Variants in TMEM132D observed in about 807,000 individuals in gnomAD.
The protein encoded by TMEM132D is mature OL transmembrane protein.
A neutral mutation model predicts 62.3 loss-of-function variants in TMEM132D; 21 were observed. The observed-to-expected ratio is 0.34, with a 90% CI of 0.24 to 0.49. The LOEUF is 0.49. Among genes scored for constraint, TMEM132D ranks in the 20% least tolerant of loss-of-function variants. TMEM132D has a pLI of 0.99. For missense variants in TMEM132D, 1,346 were observed against 1,402.8 expected, an observed-to-expected ratio of 0.96 and a Z score of 0.65; for synonymous variants, 621 against 575.6, an observed-to-expected ratio of 1.08 and a Z score of -1.13.
chr12:129,667,673 C>T (rs1459421456), intron 2 of TMEM132D, among the ~76,000 whole-genome samples: 1 of 151,828 alleles, frequency 6.6e-6, no homozygotes, highest in Non-Finnish European at 1.5e-5. Flanking sequence ...TTTTTTCTAA[C>T]CTAAACTCCT....
chr12:129,521,282 T>G (rs905819388), intron 3 of TMEM132D: 5 of 152,212 alleles, frequency 3.3e-5, no homozygotes, highest in Admixed American at 6.5e-5. Flanking sequence ...GACAAAAGAT[T>G]AAGTGTCTAG....
chr12:129,101,132 G>A (rs2135635723), intron 5 of TMEM132D, among the ~76,000 whole-genome samples: 1 of 152,216 alleles, frequency 6.6e-6, no homozygotes, highest in South Asian at 2.1e-4. Context: ...AGGGGTCTAA[G>A]CTTTGCAGTG....
intron 5 of TMEM132D, among the ~76,000 whole-genome samples, chr12:129,095,767 G>A (rs1048189980): frequency 6.6e-6 from 1 of 152,088 alleles, no homozygotes. Context: ...CTGCCCCCAG[G>A]CCAGGGAGAA....
intron 1 of TMEM132D, among the ~76,000 whole-genome samples, chr12:129,752,600 G>C (rs12426098): frequency 0.023 from 3,473 of 152,310 alleles, 210 homozygotes; most frequent in East Asian, 0.14. Flanking sequence ...GGACTGTCTA[G>C]CCGCATGCAA....
At chr12:129,401,239 A>G (rs1439713267) in intron 3 of TMEM132D, among the ~76,000 whole-genome samples, 1 of 152,252 alleles carries the variant, frequency 6.6e-6, no homozygotes, top group African/African-American at 2.4e-5. Flanking sequence ...CAACAGTTAC[A>G]GGACCACCCC....
At chr12:129,319,015 T>C (rs562974425) in intron 4 of TMEM132D, among the ~76,000 whole-genome samples, 12 of 152,280 alleles carry the variant, frequency 7.9e-5, no homozygotes, top group South Asian at 2.1e-4. Flanking sequence ...GTGAGATGGC[T>C]TGAAAACTTG....
In TMEM132D at chr12:129,806,409, T is replaced by C. The variant is rs371302757; in HGVS notation, c.79+96852A>G. On this transcript the variant is annotated intron_variant, in intron 1 of 8. Coordinates refer to ENST00000422113, the MANE Select transcript of TMEM132D (RefSeq NM_133448.3). ...TCCTTTGTAGGGACATGGATGAAATTGGAAATCATCATTCTCAGTAAACTA... is the reference window on the plus strand; with the variant it reads ...TCCTTTGTAGGGACATGGATGAAATCGGAAATCATCATTCTCAGTAAACTA... Among the ~76,000 whole-genome samples the C allele has an allele frequency of 1.3e-4, 15 of 112,432 alleles. No homozygotes were observed. In the South Asian group the frequency reaches 5.2e-3, roughly 39 times the overall value. The allele number at this position is 112,432 out of a possible 152,430, so 73.8% of individuals were successfully genotyped here. A position where few individuals can be genotyped will look rare whatever the true frequency, so the allele number is the denominator to read the frequency against.
At chr12:129,257,686 T>C (rs1880444487) in intron 4 of TMEM132D, among the ~76,000 whole-genome samples, 1 of 152,144 alleles carries the variant, frequency 6.6e-6, no homozygotes, top group Non-Finnish European at 1.5e-5. Flanking sequence ...GGGGTGGATA[T>C]GCTACCCATG....
intron 4 of TMEM132D, among the ~76,000 whole-genome samples, chr12:129,317,832 C>A (rs923534879): frequency 3.3e-5 from 5 of 152,048 alleles, no homozygotes; most frequent in African/African-American, 1.2e-4. Flanking sequence ...AGGCTTTGTT[C>A]ATATTTTCTT....
At chr12:129,800,085 TC>T (rs1871716756) in intron 1 of TMEM132D, among the ~76,000 whole-genome samples, 1 of 152,070 alleles carries the variant, frequency 6.6e-6, no homozygotes, top group Non-Finnish European at 1.5e-5. Flanking sequence ...TGACCTAGGG[TC>T]CAACCCCAGC....
Position 129,740,996 on chromosome 12 carries a change from T to G in TMEM132D, c.80-40298A>C, listed in dbSNP as rs148603518. ...CCTGAATTATGTCCAACAGAAGGCT[T>G]TATGGAGAGCTTTGGGGAAATTATG... On this transcript the variant is annotated intron_variant, in intron 1 of 8. Transcript: ENST00000422113. Among the ~76,000 whole-genome samples the G allele has an allele frequency of 3.7e-3, 570 of 152,284 alleles. 4 individuals are homozygous for G. Among genetic ancestry groups the G allele is most frequent in the African/African-American group, 0.013 (550 of 41,548 alleles).
chr12:129,284,139 C>T (rs974216060), intron 4 of TMEM132D, among the ~76,000 whole-genome samples: 18 of 152,208 alleles, frequency 1.2e-4, no homozygotes, highest in African/African-American at 2.7e-4. Flanking sequence ...GGGGACATTT[C>T]GGCCTAATCT....
chr12:129,733,593 G>A (rs1382729409), intron 1 of TMEM132D, among the ~76,000 whole-genome samples: 1 of 152,044 alleles, frequency 6.6e-6, no homozygotes, highest in African/African-American at 2.4e-5. Context: ...CCACCATGTT[G>A]GGGAATGGTT....
At chr12:129,209,310 G>A (rs909323599) in intron 5 of TMEM132D, among the ~76,000 whole-genome samples, 3 of 152,132 alleles carry the variant, frequency 2.0e-5, no homozygotes, top group African/African-American at 7.2e-5. Context: ...TCCCAGACTC[G>A]GAGTCACCAG....
At position 129,867,580 on chromosome 12, in the gene TMEM132D, G is replaced by C. The variant is rs949765709; in HGVS notation, c.79+35681C>G. Among the ~76,000 whole-genome samples, 1 of 152,212 alleles carries C rather than the reference G, an allele frequency of 6.6e-6. No individual in the cohort carries two copies. The highest frequency in any genetic ancestry group is 1.5e-5 in the Non-Finnish European group (1 of 68,050). On this transcript the variant is annotated intron_variant, in intron 1 of 8. Coordinates refer to ENST00000422113, the MANE Select transcript of TMEM132D (RefSeq NM_133448.3). This position sits in a 1 kb window ranked among gnomAD's most constrained non-coding sequence, Gnocchi z 4.5. ...GTATAGTGTCCTTGAAATGTACTGA[G>C]AGGATAAATCTTCAGTGTTTTCCTC...
chr12:129,863,283 C>T (rs941745274), intron 1 of TMEM132D, among the ~76,000 whole-genome samples: 3 of 152,144 alleles, frequency 2.0e-5, no homozygotes, highest in South Asian at 2.1e-4. Flanking sequence ...CCCCCAGCCC[C>T]GATGGAAACT....
intron 1 of TMEM132D, among the ~76,000 whole-genome samples, chr12:129,809,354 G>T (rs2137314299): frequency 6.6e-6 from 1 of 151,510 alleles, no homozygotes; most frequent in African/African-American, 2.4e-5. Context: ...AGCAAACCTT[G>T]GGTCCAGGTG....
intron 3 of TMEM132D, among the ~76,000 whole-genome samples, chr12:129,408,805 A>G (rs534649219): frequency 1.5e-3 from 227 of 152,298 alleles, no homozygotes; most frequent in African/African-American, 5.2e-3. Context: ...ATTTTGTCAG[A>G]GTTTCATGGA....
chr12:129,594,745 T>G (rs1878287387), intron 2 of TMEM132D, among the ~76,000 whole-genome samples: 1 of 152,186 alleles, frequency 6.6e-6, no homozygotes, highest in Non-Finnish European at 1.5e-5. Flanking sequence ...AAGTTCCCGG[T>G]AGCAGGAGTG....
Sources: gnomAD v4.1 joint callset for allele counts (sites outside exome capture counted in the v4.1 genomes callset) on GRCh38, gnomAD v4.1.1 for gene constraint, Gnocchi (gnomAD v3.1) non-coding constraint, MANE v1.5 for transcripts, NCBI Gene and HGNC (gene_info 2026-07-23, HGNC 2026-07-21) for gene names.